LEP: variants seen among roughly 807,000 people sequenced by gnomAD.
LEP encodes the protein leptin (murine obesity homolog).
A neutral mutation model predicts 9.8 loss-of-function variants in LEP; 6 were observed. The observed-to-expected ratio is 0.61, with a 90% confidence interval of 0.34 to 1.21. The LOEUF (loss-of-function observed/expected upper bound fraction) is 1.21. Among genes scored for constraint, LEP ranks in the 50% most tolerant of loss-of-function variants. LEP has a pLI of 0.04. For synonymous variants in LEP, 112 were observed against 81.7 expected, an observed-to-expected ratio of 1.37 and a Z score of -2.00; for missense variants, 134 against 198.1, an observed-to-expected ratio of 0.68 and a Z score of 1.94.
At chr7:128,253,355 C>T (rs957778237) in intron 2 of LEP, among the ~76,000 whole-genome samples, 1 of 152,190 alleles carries the variant, frequency 6.6e-6, no homozygotes, top group African/African-American at 2.4e-5. Flanking sequence ...TGGGGTCCAG[C>T]AGGCCTAGAC....
chr7:128,252,134 T>C lies in LEP; in HGVS notation c.116T>C (p.Val39Ala). 6.2e-7 allele frequency: 1 copy of C among 1,614,196 alleles called. No homozygotes were observed. The highest frequency in any genetic ancestry group is 8.5e-7 in the Non-Finnish European group (1 of 1,180,018). ...ACCAAAACCCTCATCAAGACAATTG[T>C]CACCAGGATCAATGACATTTCACAC... is the stretch of plus-strand genomic sequence containing the variant. ...DDTKTLIKTIVTRINDISHTQ... is the reference protein window; with the variant it reads ...DDTKTLIKTIATRINDISHTQ... The change falls in exon 2 of 3, where the codon GTC becomes GCC. Residue 39 changes from valine to alanine, a missense_variant. Physicochemically the swap from Val to Ala is moderately conservative, Grantham distance 64. Transcript: ENST00000308868.
intron 1 of LEP, among the ~76,000 whole-genome samples, chr7:128,246,497 C>T (rs186676333): frequency 2.6e-4 from 39 of 152,294 alleles, no homozygotes; most frequent in African/African-American, 9.4e-4. Context: ...CTGTGTCACA[C>T]AGGCTGGAGT....
At chr7:128,250,590 T>C (rs1316926508) in intron 1 of LEP, among the ~76,000 whole-genome samples, 2 of 152,152 alleles carry the variant, frequency 1.3e-5, no homozygotes, top group African/African-American at 4.8e-5. Context: ...ATTTTTCTCT[T>C]CTGTGAAATT....
intron 1 of LEP, among the ~76,000 whole-genome samples, chr7:128,248,357 G>A (rs543986826): frequency 5.5e-4 from 84 of 152,154 alleles, no homozygotes; most frequent in African/African-American, 1.3e-3. Context: ...GCTTGAACCC[G>A]GGAGGTGGAG....
At chr7:128,248,431 T>C (rs1412776381) in intron 1 of LEP, among the ~76,000 whole-genome samples, 1 of 148,954 alleles carries the variant, frequency 6.7e-6, no homozygotes, top group Non-Finnish European at 1.5e-5. Context: ...AAACATCGTC[T>C]AAAAAAGAAA....
chr7:128,246,700 C>CT (rs1795215635), intron 1 of LEP, among the ~76,000 whole-genome samples: 1 of 151,934 alleles, frequency 6.6e-6, no homozygotes, highest in Admixed American at 6.6e-5. Context: ...TGGGCTCAAG[C>CT]GATCCTCCTG....
In LEP at chr7:128,244,636, A is replaced by G. The variant is rs77268534; in HGVS notation, c.-29+3330A>G. ...AAAGTTGAAAGCTATCCAAGTGAGT[A>G]TAAGAAAAGAGTATCTCACCCTGAA... is the stretch of plus-strand genomic sequence containing the variant. On this transcript the variant is annotated intron_variant, in intron 1 of 2. Coordinates refer to ENST00000308868, the MANE Select transcript of LEP (RefSeq NM_000230.3). 4.9e-3 allele frequency among the ~76,000 whole-genome samples: 741 copies of G among 152,348 alleles called. 7 individuals carry two copies. The highest frequency in any genetic ancestry group is 0.017 in the African/African-American group (712 of 41,588).
intron 1 of LEP, among the ~76,000 whole-genome samples, chr7:128,249,086 C>T (rs1345377119): frequency 6.6e-6 from 1 of 152,230 alleles, no homozygotes; most frequent in Admixed American, 6.5e-5. Context: ...GCCATTCTTC[C>T]TCCCCTTCTT....
chr7:128,251,179 G>T (rs1364345219), intron 1 of LEP, among the ~76,000 whole-genome samples: 1 of 152,150 alleles, frequency 6.6e-6, no homozygotes, highest in Non-Finnish European at 1.5e-5. Context: ...TCTTGTACCT[G>T]CCCTTTTTGC....
rs539043923 is a variant in LEP at position 128,247,293 on chromosome 7, A to T, written c.-28-4698A>T. On this transcript the variant is annotated intron_variant, in intron 1 of 2. Transcript: ENST00000308868. Reference sequence around the variant, plus strand: ...CTTTGTCTCTGAGCTCAGACTTCCAATTCCAAGCGGCAGCTGGGCAGGCTC... The same window carrying T: ...CTTTGTCTCTGAGCTCAGACTTCCATTTCCAAGCGGCAGCTGGGCAGGCTC... Among the ~76,000 whole-genome samples the T allele has an allele frequency of 2.6e-5, 4 of 152,080 alleles. No individual in the cohort carries two copies. The South Asian group carries it at 8.3e-4, about 32-fold the overall frequency.
At chr7:128,251,879 G>A in intron 1 of LEP, 112 bp from the exon 2 acceptor site, 1 of 859,338 alleles carries the variant, frequency 1.2e-6, no homozygotes. Context: ...GGTAGCCAGA[G>A]CAGAAAGCAA....
rs200802392 is a variant in LEP, at chr7:128,256,342, G to A, written c.*1579G>A. The A allele has an allele frequency of 6.6e-6, 1 of 152,666 alleles. No homozygotes were observed. Among genetic ancestry groups the A allele is most frequent in the Non-Finnish European group, 1.5e-5 (1 of 68,068 alleles). 9.5% of individuals were successfully genotyped at this position (152,666 alleles called of 1,614,324 possible). A position where few individuals can be genotyped will look rare whatever the true frequency, so the allele number is the denominator to read the frequency against. ...TTTTGCTATCACACAGTGGGTGGTG[G>A]ATCTGTCCAAGGAAACTTGAATCAA... On this transcript the variant is annotated 3_prime_UTR_variant, in exon 3 of 3. Coordinates refer to ENST00000308868, the MANE Select transcript of LEP (RefSeq NM_000230.3).
chr7:128,253,353 A>G (rs1795297060), intron 2 of LEP, among the ~76,000 whole-genome samples: 1 of 152,338 alleles, frequency 6.6e-6, no homozygotes, highest in African/African-American at 2.4e-5. Context: ...TCTGGGGTCC[A>G]GCAGGCCTAG....
intron 2 of LEP, among the ~76,000 whole-genome samples, chr7:128,252,678 C>T (rs1361206371): frequency 4.6e-5 from 7 of 151,994 alleles, no homozygotes; most frequent in Non-Finnish European, 8.8e-5. Flanking sequence ...CTGCAGTGGG[C>T]CCTGATCATG....
chr7:128,247,027 G>C, intron 1 of LEP, among the ~76,000 whole-genome samples: 1 of 152,140 alleles, frequency 6.6e-6, no homozygotes, highest in Non-Finnish European at 1.5e-5. Flanking sequence ...TCCTCTCCAG[G>C]AGCTGCTTCA....
Position 128,254,565 on chromosome 7 carries a change from G to C in LEP, c.306G>C (p.Glu102Asp). 6.2e-7 allele frequency: 1 copy of C among 1,614,206 alleles called. No individual in the cohort carries two copies. Among genetic ancestry groups the C allele is most frequent in the Non-Finnish European group, 8.5e-7 (1 of 1,180,028 alleles). Residue 102 changes from glutamate to aspartate, a missense_variant, in exon 3 of 3, where the codon GAG becomes GAC. Glu to Asp is a conservative substitution (Grantham distance 45). Coordinates refer to ENST00000308868, the MANE Select transcript of LEP (RefSeq NM_000230.3). ...RNVIQISNDL[E>D]NLRDLLHVLA... ...TGATCCAAATATCCAACGACCTGGA[G>C]AACCTCCGGGATCTTCTTCACGTGC...
In LEP at chr7:128,255,088, G is replaced by C; in HGVS notation, c.*325G>C. On this transcript the variant is annotated 3_prime_UTR_variant, in exon 3 of 3. Coordinates refer to ENST00000308868, the MANE Select transcript of LEP (RefSeq NM_000230.3). ...CCTCTTGACCCATCTCCCCCTCACTGAATGCCTCAATGTGACCAGGGGTGA... is the reference window on the plus strand; with the variant it reads ...CCTCTTGACCCATCTCCCCCTCACTCAATGCCTCAATGTGACCAGGGGTGA... The C allele has an allele frequency of 2.7e-6, 1 of 376,046 alleles. No homozygotes were observed. Among genetic ancestry groups the C allele is most frequent in the Non-Finnish European group, 5.1e-6 (1 of 195,782 alleles). 23.3% of individuals were successfully genotyped at this position (376,046 alleles called of 1,614,324 possible).
Position 128,254,816 on chromosome 7 carries a change from G to A in LEP, c.*53G>A. 1 of 1,588,052 alleles carries A rather than the reference G, an allele frequency of 6.3e-7. No individual in the cohort carries two copies. The highest frequency in any genetic ancestry group is 8.5e-7 in the Non-Finnish European group (1 of 1,171,586). Reference sequence around the variant, plus strand: ...GACTACGTTAAGGGAAGGAACTCTGGCTTCCAGGTATCTCCAGGATTGAAG... The same window carrying A: ...GACTACGTTAAGGGAAGGAACTCTGACTTCCAGGTATCTCCAGGATTGAAG... On this transcript the variant is annotated 3_prime_UTR_variant, in exon 3 of 3. Transcript: ENST00000308868.
chr7:128,251,848 T>G (rs1043807057), intron 1 of LEP, 143 bp from the exon 2 acceptor site: 72 of 697,376 alleles, frequency 1.0e-4, no homozygotes, highest in Non-Finnish European at 1.6e-4. Flanking sequence ...GATCATGAAT[T>G]GTCTTTGACT....
Sources: allele counts gnomAD v4.1 joint callset (sites outside exome capture counted in the v4.1 genomes callset), GRCh38; gene constraint gnomAD v4.1.1; transcripts MANE v1.5; gene names NCBI Gene and HGNC (gene_info 2026-07-23, HGNC 2026-07-21).